Variants in PPP4R1 observed in about 807,000 individuals in gnomAD.
PPP4R1 encodes serine/threonine-protein phosphatase 4 regulatory subunit 1.
PPP4R1 carries 42 observed loss-of-function variants against 111.2 expected under a neutral mutation model. That is an observed-to-expected ratio of 0.38 (90% confidence interval 0.29 to 0.49). The LOEUF (loss-of-function observed/expected upper bound fraction) is 0.49. PPP4R1 is among the 20% of genes least tolerant of loss of function. The pLI, the probability that PPP4R1 is intolerant of heterozygous loss-of-function variation, is 0.97. For synonymous variants in PPP4R1, 409 were observed against 405.5 expected, an observed-to-expected ratio of 1.01 and a Z score of -0.10; for missense variants, 1,012 against 1,161.6, an observed-to-expected ratio of 0.87 and a Z score of 1.87.
chr18:9,566,806 A>G (rs913888837), intron 11 of PPP4R1, among the ~76,000 whole-genome samples: 6 of 152,166 alleles, frequency 3.9e-5, no homozygotes, highest in African/African-American at 1.4e-4. Context: ...GAGCAGATCT[A>G]TTTACAGCAA....
chr18:9,570,042 G>T, intron 11 of PPP4R1, 115 bp downstream of exon 11: 1 of 1,137,256 alleles, frequency 8.8e-7, no homozygotes, highest in Non-Finnish European at 1.2e-6. Flanking sequence ...GAGTCACTGT[G>T]CCCAGTCCAT....
At chr18:9,583,539 G>T (rs1467318337) in intron 8 of PPP4R1, among the ~76,000 whole-genome samples, 4 of 151,382 alleles carry the variant, frequency 2.6e-5, no homozygotes, top group Admixed American at 2.6e-4. Context: ...GCTAATTTTT[G>T]TATTTTTAGT....
chr18:9,561,915 G>GA, intron 13 of PPP4R1, 65 bp downstream of exon 13: 7 of 1,352,248 alleles, frequency 5.2e-6, no homozygotes, highest in African/African-American at 1.4e-5. Flanking sequence ...AATTAGGTCA[G>GA]AAATGGGCTC....
chr18:9,562,060 G>A lies in PPP4R1; in HGVS notation c.1762C>T (p.Leu588Phe). Residue 588 changes from leucine to phenylalanine, a missense_variant, in exon 13 of 20, where the codon CTT becomes TTT. Physicochemically the swap from Leu to Phe is conservative, Grantham distance 22. This residue lies in a region of PPP4R1 where 707 missense variants were observed against 742.1 expected (regional missense o/e 0.95). Transcript: ENST00000400556. Reference sequence around the variant, plus strand: ...TCTGAATCGCTGTGAATATAGTGAAGAGTGGAGTCCATATTCTGTTAGGAA... The same window carrying A: ...TCTGAATCGCTGTGAATATAGTGAAAAGTGGAGTCCATATTCTGTTAGGAA... ...SDAVENMDST[L>F]HYIHSDSDLS... 1 of 1,611,106 alleles carries A rather than the reference G, an allele frequency of 6.2e-7. No individual in the cohort carries two copies. The highest frequency in any genetic ancestry group is 8.5e-7 in the Non-Finnish European group (1 of 1,177,510).
At chr18:9,549,700 G>C (rs2066457996) in intron 18 of PPP4R1, 1 of 463,046 alleles carries the variant, frequency 2.2e-6, no homozygotes, top group Non-Finnish European at 3.9e-6. Context: ...TATGCAGTGA[G>C]GAACAGTGAG....
At chr18:9,581,608 T>C (rs1321026769) in intron 9 of PPP4R1, among the ~76,000 whole-genome samples, 2 of 152,118 alleles carry the variant, frequency 1.3e-5, no homozygotes, top group African/African-American at 2.4e-5. Context: ...ATTTAACATA[T>C]ACATAATGGG....
At chr18:9,574,977 G>T (rs1453695218) in intron 10 of PPP4R1, among the ~76,000 whole-genome samples, 6 of 152,206 alleles carry the variant, frequency 3.9e-5, no homozygotes, top group African/African-American at 1.4e-4. Context: ...CTTCTGAGAA[G>T]TAGGCTTTAT....
intron 2 of PPP4R1, among the ~76,000 whole-genome samples, chr18:9,600,463 A>T (rs949199336): frequency 2.0e-5 from 3 of 152,210 alleles, no homozygotes; most frequent in African/African-American, 4.8e-5. Context: ...AAAGGCAAAG[A>T]TTATCAGACT....
chr18:9,566,021 CT>C (rs1301055900), intron 11 of PPP4R1, among the ~76,000 whole-genome samples: 2 of 152,014 alleles, frequency 1.3e-5, no homozygotes, highest in Non-Finnish European at 2.9e-5. Flanking sequence ...AGCAATTCTC[CT>C]GCCCCAGCCT....
chr18:9,591,314 T>C (rs904590285), intron 4 of PPP4R1, among the ~76,000 whole-genome samples: 1 of 148,274 alleles, frequency 6.7e-6, no homozygotes, highest in Non-Finnish European at 1.5e-5. Context: ...GCCACCACAC[T>C]CCAGCCTGGG....
chr18:9,584,502 C>T lies in PPP4R1; in HGVS notation c.759+13G>A. ...ACACACACTGTTTACTCCTTTATATCTGCAATACTTACCAACATTTCTTCA... is the reference window on the plus strand; with the variant it reads ...ACACACACTGTTTACTCCTTTATATTTGCAATACTTACCAACATTTCTTCA... On this transcript the variant is annotated intron_variant, in intron 8 of 19. Coordinates refer to ENST00000400556, the MANE Select transcript of PPP4R1 (RefSeq NM_001042388.3). The T allele has an allele frequency of 1.9e-6, 3 of 1,609,418 alleles. No homozygotes were observed. The highest frequency in any genetic ancestry group is 2.5e-6 in the Non-Finnish European group (3 of 1,178,108).
intron 9 of PPP4R1, among the ~76,000 whole-genome samples, chr18:9,577,496 C>A (rs2066955861): frequency 6.6e-6 from 1 of 152,144 alleles, no homozygotes; most frequent in African/African-American, 2.4e-5. Flanking sequence ...GAAATCCAGT[C>A]TCTACAAAAA....
chr18:9,576,897 T>A (rs1294358565), intron 10 of PPP4R1, among the ~76,000 whole-genome samples, 167 bp downstream of exon 10: 1 of 130,424 alleles, frequency 7.7e-6, no homozygotes, highest in East Asian at 2.8e-4. Context: ...AACAAACAAA[T>A]GCGCTTAAAG....
upstream of PPP4R1, chr18:9,614,869 G>C (rs2067666552): frequency 6.7e-6 from 1 of 150,254 alleles, no homozygotes; most frequent in Admixed American, 6.6e-5. This position sits in a 1 kb window ranked among gnomAD's most constrained non-coding sequence, Gnocchi z 4.1. Context: ...CCGGGACCCT[G>C]CGGCGAGTGC....
Position 9,570,599 on chromosome 18 carries a change from G to A in PPP4R1, c.1131C>T (p.Val377=). Residue 377 remains valine, a synonymous_variant, in exon 11 of 20, where the codon GTC becomes GTT. Coordinates refer to ENST00000400556, the MANE Select transcript of PPP4R1 (RefSeq NM_001042388.3). The part of the protein sequence containing the change: ...PSDLSVSNSS[V]ILENTMEDHA... The stretch of plus-strand genomic sequence containing the variant: ...GGTCTTCCATCGTGTTTTCCAGTAT[G>A]ACACTGGAATTACTAACACTGAGAT... 1 of 1,613,960 alleles carries A rather than the reference G, an allele frequency of 6.2e-7. No individual in the cohort carries two copies. The highest frequency in any genetic ancestry group is 1.1e-5 in the South Asian group (1 of 91,060).
intron 9 of PPP4R1, among the ~76,000 whole-genome samples, chr18:9,579,927 G>A (rs1456564002): frequency 6.6e-6 from 1 of 152,108 alleles, no homozygotes; most frequent in South Asian, 2.1e-4. Context: ...AGGAACAGCT[G>A]TATATCTCTA....
chr18:9,602,643 T>G (rs1215337005), intron 2 of PPP4R1, among the ~76,000 whole-genome samples: 1 of 151,912 alleles, frequency 6.6e-6, no homozygotes, highest in Non-Finnish European at 1.5e-5. Flanking sequence ...GCTGATCATC[T>G]GAGGTCAGAA....
At chr18:9,548,759 A>G (rs889740407) in intron 19 of PPP4R1, among the ~76,000 whole-genome samples, 13 of 152,292 alleles carry the variant, frequency 8.5e-5, no homozygotes, top group Admixed American at 6.5e-4. Context: ...TCTACTAAAA[A>G]TACAAAAAAT....
chr18:9,555,951 A>T (rs1456693987), intron 15 of PPP4R1, among the ~76,000 whole-genome samples: 7 of 151,028 alleles, frequency 4.6e-5, no homozygotes, highest in Non-Finnish European at 8.8e-5. Flanking sequence ...CCTGGCCAAC[A>T]CGGTGAAACC....
Sources: allele counts gnomAD v4.1 joint callset (sites outside exome capture counted in the v4.1 genomes callset), GRCh38; gene constraint gnomAD v4.1.1; regional missense constraint gnomAD v4.1.1; non-coding constraint Gnocchi (gnomAD v3.1); transcripts MANE v1.5; gene names NCBI Gene and HGNC (gene_info 2026-07-23, HGNC 2026-07-21).